C5: variants seen among roughly 807,000 people sequenced by gnomAD.
C5 encodes complement C5, also known as C3 and PZP-like alpha-2-macroglobulin domain-containing protein 4.
C5 carries 140 observed loss-of-function variants against 218.8 expected under a neutral mutation model. The observed-to-expected ratio is 0.64, with a 90% CI of 0.56 to 0.74. The LOEUF is 0.74. Among genes scored for constraint, C5 ranks in the 30% least tolerant of loss-of-function variants. C5 has a pLI of 0.00. For synonymous variants in C5, 614 were observed against 682.3 expected (o/e 0.90, Z 1.56); for missense variants, 1,700 against 1,969.6 (o/e 0.86, Z 2.59).
At chr9:121,059,216 G>C in the C5 span, among the ~76,000 whole-genome samples, 2 of 152,174 alleles carry the variant, frequency 1.3e-5, no homozygotes, top group Non-Finnish European at 2.9e-5. This position sits in a 1 kb window ranked among gnomAD's most constrained non-coding sequence, Gnocchi z 4.1. Flanking sequence ...AATGGAATAG[G>C]ATAGGATTTC....
Position 120,952,556 on chromosome 9 carries a change from T to C in C5, c.*183A>G. 1 of 565,064 alleles carries C rather than the reference T, an allele frequency of 1.8e-6. No homozygotes were observed. Among genetic ancestry groups the C allele is most frequent in the East Asian group, 3.5e-5 (1 of 28,274 alleles). 35.0% of individuals were successfully genotyped at this position (565,064 alleles called of 1,614,324 possible). ...CTTCATGCCCTCCAAGGCCATGTTATTTCAGAAAGTTACAGCATTTGAAAT... is the reference window on the plus strand; with the variant it reads ...CTTCATGCCCTCCAAGGCCATGTTACTTCAGAAAGTTACAGCATTTGAAAT... On this transcript the variant is annotated 3_prime_UTR_variant, in exon 41 of 41. Transcript: ENST00000223642.
Position 121,025,515 on chromosome 9 carries a change from G to A in C5, c.939C>T (p.Tyr313=), listed in dbSNP as rs758493617. Residue 313 remains tyrosine, a synonymous_variant, in exon 9 of 41, where the codon TAC becomes TAT. Transcript: ENST00000223642. ...SETAVKELSY[Y]SLEDLNNKYL... ...ACTTGTTGTTTAAATCTTCTAAACT[G>A]TAGTATGACAGTTCTTTGACTGCTG... 6.2e-7 allele frequency: 1 copy of A among 1,612,482 alleles called. No individual in the cohort carries two copies. Among genetic ancestry groups the A allele is most frequent in the East Asian group, 2.2e-5 (1 of 44,782 alleles).
rs564973475 is a variant in C5 at position 120,953,901 on chromosome 9, C to CGGTA, written c.4763-34_4763-33insTACC. The CGGTA allele has an allele frequency of 9.8e-4, 1,578 of 1,611,750 alleles. 3 individuals are homozygous for CGGTA. The highest frequency in any genetic ancestry group is 1.2e-3 in the Non-Finnish European group (1,409 of 1,177,982). Reference sequence around the variant, plus strand: ...ACATGCAAGTCAAGTAAGGTTATACCATTCATGTTTTAATGTCACAATTAT... The same window carrying CGGTA: ...ACATGCAAGTCAAGTAAGGTTATACCGGTAATTCATGTTTTAATGTCACAATTAT... On this transcript the variant is annotated intron_variant, in intron 39 of 40. Coordinates refer to ENST00000223642, the MANE Select transcript of C5 (RefSeq NM_001735.3).
At chr9:121,070,409 A>G in the C5 span, among the ~76,000 whole-genome samples, 2 of 137,042 alleles carry the variant, frequency 1.5e-5, no homozygotes, top group East Asian at 2.1e-4. Flanking sequence ...ATATATATAT[A>G]TATATATATA....
At chr9:121,018,742 AAAGGAAGGAAGGAAGGAAGGAAGGAAGG>A in intron 12 of C5, among the ~76,000 whole-genome samples, 1 of 99,230 alleles carries the variant, frequency 1.0e-5, no homozygotes, top group African/African-American at 4.3e-5. Context: ...GGAAGGAAGG[AAAGGAAGGAAGGAAGGAAGGAAGGAAGG>A]AAGGAAGGAA....
intron 18 of C5, among the ~76,000 whole-genome samples, chr9:121,007,624 C>G (rs2047226379): frequency 6.6e-6 from 1 of 152,182 alleles, no homozygotes; most frequent in Non-Finnish European, 1.5e-5. Context: ...AAACAGTAAT[C>G]TGAATTTAGT....
chr9:120,978,175 A>G (rs1171499724), intron 28 of C5, among the ~76,000 whole-genome samples: 2 of 152,156 alleles, frequency 1.3e-5, no homozygotes, highest in Non-Finnish European at 2.9e-5. Flanking sequence ...CTTTTCATAA[A>G]TTAGGCTGTA....
the C5 span, among the ~76,000 whole-genome samples, chr9:121,060,685 C>T: frequency 6.6e-6 from 1 of 151,338 alleles, no homozygotes; most frequent in Non-Finnish European, 1.5e-5. Flanking sequence ...CCAGCTGACT[C>T]TAAGTAATTT....
At chr9:121,030,977 G>A (rs2047469358) in intron 6 of C5, among the ~76,000 whole-genome samples, 1 of 152,006 alleles carries the variant, frequency 6.6e-6, no homozygotes, top group Non-Finnish European at 1.5e-5. Context: ...GATATACAGA[G>A]AAAATACAAA....
upstream of C5, among the ~76,000 whole-genome samples, chr9:121,052,478 AT>A (rs1007815862): frequency 3.4e-5 from 5 of 149,056 alleles, no homozygotes; most frequent in Admixed American, 6.7e-5. Flanking sequence ...AAAAAAGATG[AT>A]TTTTTTTCTT....
At chr9:121,012,247 T>C (rs1380057517) in intron 17 of C5, among the ~76,000 whole-genome samples, 1 of 151,752 alleles carries the variant, frequency 6.6e-6, no homozygotes, top group African/African-American at 2.4e-5. Context: ...TTTACCCACA[T>C]AAATTTAAAA....
At chr9:121,045,370 A>G (rs2047618427) in intron 2 of C5, among the ~76,000 whole-genome samples, 1 of 152,178 alleles carries the variant, frequency 6.6e-6, no homozygotes, top group African/African-American at 2.4e-5. Flanking sequence ...TTAAATATAT[A>G]CAAACTTAAA....
intron 2 of C5, among the ~76,000 whole-genome samples, chr9:121,045,532 T>C (rs2047619539): frequency 1.3e-5 from 2 of 152,186 alleles, no homozygotes; most frequent in African/African-American, 2.4e-5. Flanking sequence ...GAACTCACTT[T>C]AGAGAAACTC....
At chr9:120,975,453 G>A (rs2046946327) in intron 29 of C5, among the ~76,000 whole-genome samples, 1 of 152,110 alleles carries the variant, frequency 6.6e-6, no homozygotes, top group Non-Finnish European at 1.5e-5. Context: ...TGCCTGCTGT[G>A]GTTTGAATGT....
At chr9:120,979,462 G>A (rs2046975908) in intron 28 of C5, 1 of 152,344 alleles carries the variant, frequency 6.6e-6, no homozygotes, top group Non-Finnish European at 1.5e-5. Context: ...TAGAATTTAA[G>A]TTTCATGATG....
intron 14 of C5, among the ~76,000 whole-genome samples, chr9:121,016,828 T>G (rs370567101): frequency 6.6e-6 from 1 of 152,336 alleles, no homozygotes; most frequent in East Asian, 1.9e-4. Flanking sequence ...AAGACTTGTT[T>G]GGACAGGCTT....
At chr9:121,031,369 GA>G (rs1377369672) in intron 6 of C5, among the ~76,000 whole-genome samples, 1 of 152,124 alleles carries the variant, frequency 6.6e-6, no homozygotes, top group African/African-American at 2.4e-5. Flanking sequence ...TAGGGGTAAG[GA>G]AACCTAATTG....
chr9:121,038,712 T>C (rs578140915), intron 3 of C5, among the ~76,000 whole-genome samples: 1 of 152,334 alleles, frequency 6.6e-6, no homozygotes, highest in African/African-American at 2.4e-5. Context: ...AATCATTTCA[T>C]GGCCAAAACT....
At chr9:121,035,293 A>C (rs41308000) in intron 4 of C5, among the ~76,000 whole-genome samples, 12 of 152,344 alleles carry the variant, frequency 7.9e-5, no homozygotes, top group African/African-American at 2.6e-4. Flanking sequence ...ATATATGTTC[A>C]TTTAAAGCTT....
Sources: allele counts gnomAD v4.1 joint callset (sites outside exome capture counted in the v4.1 genomes callset), GRCh38; gene constraint gnomAD v4.1.1; non-coding constraint Gnocchi (gnomAD v3.1); transcripts MANE v1.5; gene names NCBI Gene and HGNC (gene_info 2026-07-23, HGNC 2026-07-21).